The following OAT variants were observed in gnomAD, a reference collection of about 807,000 sequenced individuals.
OAT encodes the protein ornithine aminotransferase, also known as ornithine aminotransferase, mitochondrial.
In OAT, 35 loss-of-function variants were observed where a neutral mutation model predicts 48.4. That is an observed-to-expected ratio of 0.72 (90% CI 0.55 to 0.96). The LOEUF (loss-of-function observed/expected upper bound fraction) is 0.96. Ranked by LOEUF, OAT falls within the 40% of genes least tolerant of loss-of-function variation. The pLI is 0.00. For synonymous variants in OAT, 182 were observed against 198.4 expected (o/e 0.92, Z 0.70); for missense variants, 438 against 537.9 (o/e 0.81, Z 1.84).
intron 9 of OAT, among the ~76,000 whole-genome samples, chr10:124,399,971 T>A (rs540364930): frequency 1.3e-5 from 2 of 152,210 alleles, no homozygotes; most frequent in Non-Finnish European, 2.9e-5. Context: ...CATGACTAAT[T>A]TAAGGCAGAA....
chr10:124,404,036 C>G (rs950112603), intron 5 of OAT, 116 bp from the exon 6 acceptor site: 2 of 1,247,650 alleles, frequency 1.6e-6, no homozygotes, highest in African/African-American at 1.5e-5. Context: ...TTCGCACTAA[C>G]GTAAATTCTG....
rs1463691426 is a variant in OAT, at chr10:124,408,801, C to T, written c.364G>A (p.Glu122Lys). 3 of 1,612,394 alleles carry T rather than the reference C, an allele frequency of 1.9e-6. No homozygotes were observed. In the East Asian group the frequency reaches 6.7e-5, roughly 36 times the overall value. ...SRAFYNNVLG[E>K]YEEYITKLFN... ...AGTTTAGTAATATACTCCTCATATT[C>T]ACCAAGTACGTTATTATAGAAAGCT... is the stretch of plus-strand genomic sequence containing the variant. Residue 122 changes from glutamate to lysine, a missense_variant, in exon 3 of 10, where the codon GAA becomes AAA. Transcript: ENST00000368845.
chr10:124,411,159 A>AAAAAAAAAAAAAAAAAAAAAAAAAAAAAT (rs1564738831), intron 2 of OAT, among the ~76,000 whole-genome samples: 1 of 145,746 alleles, frequency 6.9e-6, no homozygotes. Flanking sequence ...AAAAAAAAAA[A>AAAAAAAAAAAAAAAAAAAAAAAAAAAAAT]AAAAAGAAGA....
chr10:124,418,052 G>C (rs555142488), intron 1 of OAT: 6 of 152,218 alleles, frequency 3.9e-5, no homozygotes, highest in African/African-American at 7.2e-5. Flanking sequence ...AAACGCACTG[G>C]CCAGGCCCAT....
chr10:124,407,398 GA>G (rs1951614811), intron 4 of OAT: 1 of 985,060 alleles, frequency 1.0e-6, no homozygotes, highest in Admixed American at 6.2e-5. Context: ...TTGCTATTAA[GA>G]AAGAGACTGG....
intron 9 of OAT, 76 bp downstream of exon 9, chr10:124,400,764 T>C (rs1192943891): frequency 2.6e-5 from 31 of 1,174,592 alleles, no homozygotes; most frequent in Non-Finnish European, 3.7e-5. Context: ...AATAAATAAA[T>C]TAATTAAATT....
chr10:124,412,505 G>A (rs1951787120), intron 1 of OAT, among the ~76,000 whole-genome samples: 3 of 151,630 alleles, frequency 2.0e-5, no homozygotes. Flanking sequence ...GAAAGGCCCA[G>A]TCTCAAGAAA....
At chr10:124,408,446 A>G in intron 4 of OAT, 96 bp downstream of exon 4, 2 of 1,146,954 alleles carry the variant, frequency 1.7e-6, no homozygotes, top group Non-Finnish European at 2.6e-6. Context: ...TTGGCCTCCC[A>G]AAATGCTAGG....
At chr10:124,406,944 G>C in intron 4 of OAT, 2 of 984,742 alleles carry the variant, frequency 2.0e-6, no homozygotes, top group South Asian at 4.7e-5. Flanking sequence ...TTTCAGAGAG[G>C]ATGACATTCA....
intron 2 of OAT, among the ~76,000 whole-genome samples, chr10:124,410,256 T>C (rs1373087928): frequency 6.6e-6 from 1 of 152,224 alleles, no homozygotes; most frequent in East Asian, 1.9e-4. Context: ...TAAAAGTTCA[T>C]GAGTAACTGG....
chr10:124,410,475 GTTAA>G (rs1951713820), intron 2 of OAT, among the ~76,000 whole-genome samples: 1 of 152,212 alleles, frequency 6.6e-6, no homozygotes, highest in Admixed American at 6.5e-5. Flanking sequence ...CTGTACCAGT[GTTAA>G]GTTCTTGATT....
intron 8 of OAT, 43 bp downstream of exon 8, chr10:124,401,683 T>A (rs111754147): frequency 7.6e-7 from 1 of 1,315,530 alleles, no homozygotes; most frequent in Non-Finnish European, 1.1e-6. Context: ...CACTTCAACA[T>A]TGCTTTAAAG....
intron 4 of OAT, among the ~76,000 whole-genome samples, chr10:124,408,338 TATA>T (rs1439235725): frequency 4.9e-5 from 5 of 101,404 alleles, no homozygotes; most frequent in African/African-American, 1.7e-4. Context: ...TATATATATA[TATA>T]TATTTTTTTT....
chr10:124,409,029 T>C, intron 2 of OAT, 64 bp from the exon 3 acceptor site: 1 of 1,238,224 alleles, frequency 8.1e-7, no homozygotes, highest in Non-Finnish European at 1.2e-6. Flanking sequence ...GTCCAAAAAT[T>C]AAGAGTGCTA....
intron 5 of OAT, among the ~76,000 whole-genome samples, chr10:124,404,261 A>C (rs577027204): frequency 2.1e-5 from 3 of 143,694 alleles, no homozygotes; most frequent in Admixed American, 1.4e-4. Context: ...CTAATTTTTT[A>C]TTTATTTTCA....
chr10:124,402,237 A>G (rs1951434364), intron 7 of OAT, among the ~76,000 whole-genome samples: 1 of 152,306 alleles, frequency 6.6e-6, no homozygotes, highest in South Asian at 2.1e-4. Flanking sequence ...GAAAGAGTTT[A>G]CATCTGCCAA....
rs1282134630 is a variant in OAT at position 124,404,017 on chromosome 10, A to G, written c.649-97T>C. On this transcript the variant is annotated intron_variant, in intron 5 of 9. Transcript: ENST00000368845. Reference sequence around the variant, plus strand: ...ACACATATTTTACATTAAGTATGCAAATCAAGTTTTCGCACTAACGTAAAT... The same window carrying G: ...ACACATATTTTACATTAAGTATGCAGATCAAGTTTTCGCACTAACGTAAAT... 123 of 1,482,250 alleles carry G rather than the reference A, an allele frequency of 8.3e-5. 1 individual carries two copies. The South Asian group carries it at 1.3e-3, about 15-fold the overall frequency. The allele number at this position is 1,482,250 out of a possible 1,614,324, so 91.8% of individuals were successfully genotyped here. A position where few individuals can be genotyped will look rare whatever the true frequency, so the allele number is the denominator to read the frequency against.
intron 2 of OAT, among the ~76,000 whole-genome samples, chr10:124,411,098 C>G (rs1307553214): frequency 7.8e-6 from 1 of 128,252 alleles, no homozygotes; most frequent in African/African-American, 2.9e-5. Context: ...CGAGATCCCA[C>G]CATTGCACTC....
intron 9 of OAT, among the ~76,000 whole-genome samples, chr10:124,400,460 A>G: frequency 6.6e-6 from 1 of 151,584 alleles, no homozygotes. Flanking sequence ...AAAAAAAAAA[A>G]AAAAAAAGTG....
Sources: allele counts gnomAD v4.1 joint callset (sites outside exome capture counted in the v4.1 genomes callset), GRCh38; gene constraint gnomAD v4.1.1; transcripts MANE v1.5; gene names NCBI Gene and HGNC (gene_info 2026-07-23, HGNC 2026-07-21).